RALGAPA1: variants seen among roughly 807,000 people sequenced by gnomAD.
RALGAPA1 encodes ral GTPase-activating protein subunit alpha-1.
Under a neutral mutation model 269.6 loss-of-function variants are expected in RALGAPA1, and 52 were observed. The ratio of observed to expected loss-of-function variants is 0.19; its 90% CI spans 0.15 to 0.24. The LOEUF is 0.24. RALGAPA1 is among the 10% of genes least tolerant of loss of function. The pLI, the probability that RALGAPA1 is intolerant of heterozygous loss-of-function variation, is 1.00. For synonymous variants in RALGAPA1, 817 were observed against 1,008.3 expected, an observed-to-expected ratio of 0.81 and a Z score of 3.60; for missense variants, 1,917 against 3,013.9, an observed-to-expected ratio of 0.64 and a Z score of 8.52.
intron 21 of RALGAPA1, among the ~76,000 whole-genome samples, chr14:35,682,728 A>T (rs2065561974): frequency 6.6e-6 from 1 of 152,200 alleles, no homozygotes. Flanking sequence ...AAACAACTAA[A>T]GTAAGAGGTA....
chr14:35,610,628 C>T (rs1029963874), intron 35 of RALGAPA1, among the ~76,000 whole-genome samples: 1 of 151,874 alleles, frequency 6.6e-6, no homozygotes, highest in African/African-American at 2.4e-5. Context: ...ACAGAATACC[C>T]GAATAGACCT....
chr14:35,685,765 A>T lies in RALGAPA1; in HGVS notation c.4078-620T>A, dbSNP rs545933088. Among the ~76,000 whole-genome samples the T allele has an allele frequency of 3.9e-5, 6 of 152,218 alleles. No individual in the cohort carries two copies. The South Asian group carries it at 1.2e-3, about 32-fold the overall frequency. ...CTAAAAATAGAACAATTATCCAGGC[A>T]TGGTGGTGTGCACCTGTAATCCTAG... On this transcript the variant is annotated intron_variant, in intron 19 of 41. Coordinates refer to ENST00000680220, the MANE Select transcript of RALGAPA1 (RefSeq NM_001346249.2).
intron 41 of RALGAPA1, 100 bp downstream of exon 41, chr14:35,548,408 A>C (rs1011719822): frequency 2.5e-6 from 2 of 798,144 alleles, no homozygotes; most frequent in African/African-American, 1.8e-5. Context: ...GACAGTGTTA[A>C]GTTTACTTAT....
At chr14:35,784,266 A>T (rs1053557179) in intron 1 of RALGAPA1, among the ~76,000 whole-genome samples, 1 of 152,232 alleles carries the variant, frequency 6.6e-6, no homozygotes, top group African/African-American at 2.4e-5. Flanking sequence ...GGTATAATCC[A>T]TACAATGAAT....
At chr14:35,586,584 G>T (rs1340375274) in intron 37 of RALGAPA1, among the ~76,000 whole-genome samples, 2 of 152,168 alleles carry the variant, frequency 1.3e-5, no homozygotes, top group Non-Finnish European at 2.9e-5. Flanking sequence ...TTGGCTGTGG[G>T]TTTGTCATAA....
At chr14:35,575,415 CAT>C (rs774855550) in intron 37 of RALGAPA1, among the ~76,000 whole-genome samples, 7 of 152,160 alleles carry the variant, frequency 4.6e-5, no homozygotes, top group Non-Finnish European at 1.5e-5. Context: ...TGAAATTTAA[CAT>C]GTGTACAAGT....
At chr14:35,680,343 G>T (rs187733409) in intron 21 of RALGAPA1, among the ~76,000 whole-genome samples, 40 of 152,078 alleles carry the variant, frequency 2.6e-4, no homozygotes, top group Middle Eastern at 3.4e-3. Context: ...AAGTAGCTGG[G>T]ATTACAGGTG....
chr14:35,645,546 C>T (rs1052553456), intron 31 of RALGAPA1, among the ~76,000 whole-genome samples: 12 of 151,812 alleles, frequency 7.9e-5, no homozygotes, highest in Non-Finnish European at 1.5e-4. Context: ...CTGGCTAACA[C>T]GGTGAAACCC....
chr14:35,683,784 AAC>A (rs778223088), intron 21 of RALGAPA1, 23 bp downstream of exon 21: 2 of 1,533,678 alleles, frequency 1.3e-6, no homozygotes, highest in South Asian at 2.6e-5. Flanking sequence ...ACATTTAAGA[AAC>A]ACATTCCCAT....
chr14:35,791,536 G>A (rs1216708687), intron 1 of RALGAPA1, among the ~76,000 whole-genome samples: 2 of 151,898 alleles, frequency 1.3e-5, no homozygotes, highest in Non-Finnish European at 2.9e-5. Context: ...GAACCTGGGA[G>A]GCGGAGGTTG....
chr14:35,670,657 G>A lies in RALGAPA1; in HGVS notation c.5202+732C>T, dbSNP rs145455240. Among the ~76,000 whole-genome samples the A allele has an allele frequency of 7.9e-5, 12 of 152,324 alleles. 1 individual carries two copies. The highest frequency in any genetic ancestry group is 2.4e-4 in the African/African-American group (10 of 41,590). On this transcript the variant is annotated intron_variant, in intron 26 of 41. Coordinates refer to ENST00000680220, the MANE Select transcript of RALGAPA1 (RefSeq NM_001346249.2). ...AGTTTACTCCTGGCTGGGCACGGTG[G>A]CTCACGCCTGTAATCCCAGCACTTT... is the stretch of plus-strand genomic sequence containing the variant.
At chr14:35,670,652 C>T (rs1360781535) in intron 26 of RALGAPA1, among the ~76,000 whole-genome samples, 2 of 152,148 alleles carry the variant, frequency 1.3e-5, no homozygotes, top group African/African-American at 2.4e-5. Flanking sequence ...TGGCTGGGCA[C>T]GGTGGCTCAC....
chr14:35,724,426 TTTG>T (rs1158297729), intron 14 of RALGAPA1, among the ~76,000 whole-genome samples: 2 of 152,112 alleles, frequency 1.3e-5, no homozygotes, highest in Non-Finnish European at 2.9e-5. Context: ...AAAAAAATTT[TTTG>T]TTTTCTTTTT....
intron 35 of RALGAPA1, among the ~76,000 whole-genome samples, chr14:35,609,761 A>T (rs544431081): frequency 6.6e-6 from 1 of 151,748 alleles, no homozygotes; most frequent in Non-Finnish European, 1.5e-5. Context: ...CATCTCTACA[A>T]AAAGAAAAAA....
intron 3 of RALGAPA1, among the ~76,000 whole-genome samples, chr14:35,771,400 A>G (rs965706238): frequency 6.6e-6 from 1 of 152,166 alleles, no homozygotes; most frequent in Non-Finnish European, 1.5e-5. Flanking sequence ...GTCTCGAAAC[A>G]AAACAAAACA....
chr14:35,801,407 T>A (rs563542547), intron 1 of RALGAPA1, among the ~76,000 whole-genome samples: 1 of 152,224 alleles, frequency 6.6e-6, no homozygotes, highest in South Asian at 2.1e-4. Flanking sequence ...TAGCTGGGAC[T>A]ACAAGCATGC....
chr14:35,560,365 A>G (rs2056092285), intron 39 of RALGAPA1, among the ~76,000 whole-genome samples: 1 of 152,218 alleles, frequency 6.6e-6, no homozygotes, highest in African/African-American at 2.4e-5. Flanking sequence ...ACCATATCAC[A>G]TTTTTATGCC....
chr14:35,781,712 A>C (rs999703779), intron 1 of RALGAPA1, among the ~76,000 whole-genome samples: 3 of 152,206 alleles, frequency 2.0e-5, no homozygotes, highest in African/African-American at 7.2e-5. Flanking sequence ...CCTTATGTTA[A>C]CATAAAGGTC....
intron 41 of RALGAPA1, among the ~76,000 whole-genome samples, chr14:35,544,429 C>A (rs2054277356): frequency 6.6e-6 from 1 of 152,140 alleles, no homozygotes; most frequent in Admixed American, 6.5e-5. Context: ...TGACAAAGTA[C>A]CAGGTGACTC....
Sources: gnomAD v4.1 joint callset for allele counts (sites outside exome capture counted in the v4.1 genomes callset) on GRCh38, gnomAD v4.1.1 for gene constraint, MANE v1.5 for transcripts, NCBI Gene and HGNC (gene_info 2026-07-23, HGNC 2026-07-21) for gene names.